Variants in STAU2 observed in about 807,000 individuals in gnomAD.
The protein encoded by STAU2 is double-stranded RNA-binding protein Staufen homolog 2.
In STAU2, 20 loss-of-function variants were observed where a neutral mutation model predicts 65.9. The ratio of observed to expected loss-of-function variants is 0.30; its 90% CI spans 0.21 to 0.44. STAU2 has a LOEUF of 0.44. STAU2 is among the 20% of genes least tolerant of loss of function. The pLI is 1.00. For synonymous variants in STAU2, 232 were observed against 233.9 expected (o/e 0.99, Z 0.07); for missense variants, 558 against 683.9 (o/e 0.82, Z 2.05).
chr8:73,657,474 T>G (rs1050900172), intron 6 of STAU2, among the ~76,000 whole-genome samples: 5 of 152,134 alleles, frequency 3.3e-5, no homozygotes, highest in African/African-American at 9.7e-5. Flanking sequence ...GCAGAAACTA[T>G]AGTACAAATG....
At chr8:73,542,903 A>G (rs1455772533) in intron 13 of STAU2, among the ~76,000 whole-genome samples, 1 of 152,226 alleles carries the variant, frequency 6.6e-6, no homozygotes, top group East Asian at 1.9e-4. Flanking sequence ...TACACTTACC[A>G]TGTGATCCAG....
chr8:73,512,289 C>G (rs1822449673), intron 13 of STAU2, among the ~76,000 whole-genome samples: 1 of 152,166 alleles, frequency 6.6e-6, no homozygotes, highest in South Asian at 2.1e-4. Flanking sequence ...TCCCCAAAAG[C>G]CTGCTGGGAT....
Position 73,531,235 on chromosome 8 carries a change from T to A in STAU2, c.1530+20777A>T, listed in dbSNP as rs536776580. Among the ~76,000 whole-genome samples, 6 of 151,464 alleles carry A rather than the reference T, an allele frequency of 4.0e-5. No homozygotes were observed. The South Asian group carries it at 1.0e-3, about 26-fold the overall frequency. ...ATGAATGGCTTGCAATGGAAGGGTATGAACTTGGAGTTCTACACTGATGCA... is the reference window on the plus strand; with the variant it reads ...ATGAATGGCTTGCAATGGAAGGGTAAGAACTTGGAGTTCTACACTGATGCA... On this transcript the variant is annotated intron_variant, in intron 13 of 14. Transcript: ENST00000524300.
At chr8:73,622,973 A>G (rs1375178747) in intron 6 of STAU2, among the ~76,000 whole-genome samples, 1 of 152,230 alleles carries the variant, frequency 6.6e-6, no homozygotes, top group Non-Finnish European at 1.5e-5. Flanking sequence ...TTGTAAATAA[A>G]ATAAAATAGA....
intron 13 of STAU2, among the ~76,000 whole-genome samples, chr8:73,444,850 T>A (rs1241894781): frequency 6.6e-6 from 1 of 152,180 alleles, no homozygotes; most frequent in African/African-American, 2.4e-5. Context: ...GGCTTCCCTG[T>A]GAAGACACTT....
chr8:73,665,026 TG>T (rs1817128886), intron 6 of STAU2, among the ~76,000 whole-genome samples: 1 of 152,128 alleles, frequency 6.6e-6, no homozygotes, highest in Admixed American at 6.5e-5. Flanking sequence ...TCTGTGACCA[TG>T]GGGGATACTG....
At chr8:73,707,109 G>C (rs1249291974) in intron 4 of STAU2, among the ~76,000 whole-genome samples, 2 of 152,202 alleles carry the variant, frequency 1.3e-5, no homozygotes, top group East Asian at 3.9e-4. Context: ...TTGAAGAGGT[G>C]AAACAGGTTG....
intron 13 of STAU2, among the ~76,000 whole-genome samples, chr8:73,530,130 T>C (rs1341228484): frequency 6.6e-6 from 1 of 152,166 alleles, no homozygotes; most frequent in Non-Finnish European, 1.5e-5. Context: ...ACTGGGTCCA[T>C]GAGGACTTCA....
In STAU2 at chr8:73,668,886, G is replaced by C. The variant is rs972776035; in HGVS notation, c.410+4221C>G. On this transcript the variant is annotated intron_variant, in intron 6 of 14. Coordinates refer to ENST00000524300, the MANE Select transcript of STAU2 (RefSeq NM_001164380.2). Reference sequence around the variant, plus strand: ...CAAGTGGAGAAACATCATCAGTAGAGGGTGGTAAAACAGCATAGGTAATAC... The same window carrying C: ...CAAGTGGAGAAACATCATCAGTAGACGGTGGTAAAACAGCATAGGTAATAC... The C allele has an allele frequency of 1.6e-5, 9 of 570,710 alleles. No individual in the cohort carries two copies. In the Admixed American group the frequency reaches 1.8e-4, roughly 11 times the overall value. 35.4% of individuals were successfully genotyped at this position (570,710 alleles called of 1,614,324 possible).
At position 73,660,813 on chromosome 8, in the gene STAU2, C is replaced by A. The variant is rs141555227; in HGVS notation, c.410+12294G>T. On this transcript the variant is annotated intron_variant, in intron 6 of 14. Coordinates refer to ENST00000524300, the MANE Select transcript of STAU2 (RefSeq NM_001164380.2). ...TTCCAGGGTCAAGTAAATTTTAACA[C>A]GGGCCAAAAATATCCATATGCAATA... Among the ~76,000 whole-genome samples, 87 of 152,218 alleles carry A rather than the reference C, an allele frequency of 5.7e-4. 1 individual carries two copies. The highest frequency in any genetic ancestry group is 1.9e-3 in the African/African-American group (80 of 41,540).
chr8:73,734,220 TTTTTCAGGGTTTG>T (rs1323814956), intron 3 of STAU2, among the ~76,000 whole-genome samples: 4 of 141,684 alleles, frequency 2.8e-5, no homozygotes, highest in Non-Finnish European at 6.1e-5. Flanking sequence ...TTTTTGTTTG[TTTTTCAGGGTTTG>T]TTTTTTTTTT....
At chr8:73,707,582 A>T (rs541897999) in intron 4 of STAU2, among the ~76,000 whole-genome samples, 6 of 152,300 alleles carry the variant, frequency 3.9e-5, no homozygotes, top group Admixed American at 3.9e-4. Flanking sequence ...CCCAGATGTA[A>T]ATGACAATCA....
chr8:73,427,110 T>G (rs1397161413), intron 13 of STAU2, among the ~76,000 whole-genome samples: 1 of 151,982 alleles, frequency 6.6e-6, no homozygotes, highest in East Asian at 1.9e-4. Flanking sequence ...GTGTTTTTAG[T>G]AGAGATGGGG....
intron 6 of STAU2, among the ~76,000 whole-genome samples, chr8:73,641,798 T>C (rs997966291): frequency 6.6e-6 from 1 of 152,228 alleles, no homozygotes; most frequent in Non-Finnish European, 1.5e-5. Flanking sequence ...TTTAGAAAAT[T>C]TTCTAATCTC....
intron 6 of STAU2, among the ~76,000 whole-genome samples, chr8:73,646,462 GC>G (rs748860068): frequency 1.2e-4 from 18 of 152,176 alleles, no homozygotes; most frequent in Non-Finnish European, 2.4e-4. Context: ...AGGTGAAAAA[GC>G]AATTCAATGG....
chr8:73,548,918 AT>A (rs1180059401), intron 13 of STAU2, among the ~76,000 whole-genome samples: 2 of 152,330 alleles, frequency 1.3e-5, no homozygotes, highest in African/African-American at 4.8e-5. Context: ...AACCACTTAT[AT>A]TTATAGATTT....
At chr8:73,701,884 CT>C (rs1820131739) in intron 4 of STAU2, among the ~76,000 whole-genome samples, 1 of 152,084 alleles carries the variant, frequency 6.6e-6, no homozygotes, top group Admixed American at 6.5e-5. Context: ...CAATGGAGTA[CT>C]ATTCAGCCAT....
At chr8:73,572,331 C>T (rs1809165115) in intron 12 of STAU2, among the ~76,000 whole-genome samples, 1 of 152,158 alleles carries the variant, frequency 6.6e-6, no homozygotes, top group South Asian at 2.1e-4. Context: ...CAAAGAGAAG[C>T]TGATACCATT....
At chr8:73,429,834 C>T (rs1409142116) in intron 13 of STAU2, among the ~76,000 whole-genome samples, 4 of 152,180 alleles carry the variant, frequency 2.6e-5, no homozygotes, top group African/African-American at 9.7e-5. Flanking sequence ...CTCTTCCACA[C>T]TCATTCTATT....
Sources: gnomAD v4.1 joint callset for allele counts (sites outside exome capture counted in the v4.1 genomes callset) on GRCh38, gnomAD v4.1.1 for gene constraint, MANE v1.5 for transcripts, NCBI Gene and HGNC (gene_info 2026-07-23, HGNC 2026-07-21) for gene names.